Variants in PCCA observed in about 807,000 individuals in gnomAD.
PCCA encodes propionyl-CoA carboxylase subunit alpha, also known as propionyl-CoA carboxylase alpha chain, mitochondrial.
Under a neutral mutation model 101.3 loss-of-function variants are expected in PCCA, and 74 were observed. The observed-to-expected ratio is 0.73, with a 90% CI of 0.61 to 0.89. The LOEUF (loss-of-function observed/expected upper bound fraction) is 0.89, where lower values mean the gene tolerates loss of function less well. PCCA is among the 40% of genes least tolerant of loss of function. The pLI, the probability that PCCA is intolerant of heterozygous loss-of-function variation, is 0.00. For missense variants in PCCA, 891 were observed against 907.0 expected (o/e 0.98, Z 0.23); for synonymous variants, 294 against 313.6 (o/e 0.94, Z 0.66).
intron 16 of PCCA, among the ~76,000 whole-genome samples, chr13:100,320,670 G>A (rs1595318376): frequency 6.6e-6 from 1 of 152,152 alleles, no homozygotes; most frequent in African/African-American, 2.4e-5. Context: ...TCCCAGGGAT[G>A]AAGCCCACTT....
chr13:100,286,954 G>C (rs768470419), intron 12 of PCCA, among the ~76,000 whole-genome samples: 9 of 151,988 alleles, frequency 5.9e-5, no homozygotes, highest in Non-Finnish European at 1.3e-4. Flanking sequence ...TAGGCTTTCT[G>C]TGCTCTATGA....
chr13:100,410,087 AC>A (rs1219795712), intron 19 of PCCA, among the ~76,000 whole-genome samples: 3 of 151,916 alleles, frequency 2.0e-5, no homozygotes, highest in Non-Finnish European at 4.4e-5. Context: ...ATATGATTCA[AC>A]AAACCCGTTT....
chr13:100,322,267 A>C (rs935656582), intron 16 of PCCA, among the ~76,000 whole-genome samples: 3 of 152,176 alleles, frequency 2.0e-5, no homozygotes, highest in Non-Finnish European at 4.4e-5. Flanking sequence ...GCAATGAGAG[A>C]GTCGGAAGTT....
chr13:100,490,368 G>C (rs1021177212), intron 21 of PCCA: 4 of 152,130 alleles, frequency 2.6e-5, no homozygotes, highest in African/African-American at 9.6e-5. Context: ...TTTACTTTTT[G>C]GATCAGTAAC....
intron 6 of PCCA, among the ~76,000 whole-genome samples, chr13:100,200,922 T>G (rs1047918344): frequency 3.3e-5 from 5 of 152,096 alleles, no homozygotes; most frequent in Admixed American, 6.6e-5. Flanking sequence ...TTTAACCTCT[T>G]TGTTGCCTCT....
intron 18 of PCCA, among the ~76,000 whole-genome samples, chr13:100,349,462 C>G (rs1335251459): frequency 6.6e-6 from 1 of 151,882 alleles, no homozygotes; most frequent in Non-Finnish European, 1.5e-5. Context: ...TGGGTTTTGC[C>G]CTGCTGGCCA....
At chr13:100,107,985 A>G (rs2047967708) in intron 2 of PCCA, among the ~76,000 whole-genome samples, 2 of 152,270 alleles carry the variant, frequency 1.3e-5, no homozygotes, top group South Asian at 2.1e-4. Flanking sequence ...GGACTTACCC[A>G]TTGTGCTGTA....
chr13:100,246,479 T>TTTG (rs1023420932), intron 8 of PCCA, among the ~76,000 whole-genome samples: 2 of 151,806 alleles, frequency 1.3e-5, no homozygotes, highest in African/African-American at 4.8e-5. Context: ...TTGGCTAATT[T>TTTG]TTGTTGTTGT....
chr13:100,204,321 G>T, intron 6 of PCCA, among the ~76,000 whole-genome samples: 1 of 152,052 alleles, frequency 6.6e-6, no homozygotes, highest in East Asian at 1.9e-4. Context: ...TATATTTTTT[G>T]TAGAGAAAAG....
intron 19 of PCCA, among the ~76,000 whole-genome samples, chr13:100,390,597 G>A (rs1328053832): frequency 1.3e-5 from 2 of 152,186 alleles, no homozygotes; most frequent in Non-Finnish European, 1.5e-5. Context: ...CTGAAGAGGA[G>A]CATTGAAAGA....
intron 18 of PCCA, among the ~76,000 whole-genome samples, chr13:100,349,375 C>G (rs34456372): frequency 0.097 from 14,738 of 152,236 alleles, 884 homozygotes; most frequent in Middle Eastern, 0.21. Context: ...AATCCACCCA[C>G]CTCGGCCTCC....
At chr13:100,275,034 G>A (rs1356360024) in intron 12 of PCCA, among the ~76,000 whole-genome samples, 1 of 129,206 alleles carries the variant, frequency 7.7e-6, no homozygotes, top group Non-Finnish European at 1.6e-5. Flanking sequence ...CTCTTCTTCC[G>A]TTAGGCCCTT....
At chr13:100,312,701 G>T (rs2067019358) in intron 16 of PCCA, among the ~76,000 whole-genome samples, 1 of 152,184 alleles carries the variant, frequency 6.6e-6, no homozygotes, top group Non-Finnish European at 1.5e-5. Flanking sequence ...ATGGATGAAT[G>T]ACTGAATAAA....
chr13:100,486,324 G>C (rs2084368573), intron 21 of PCCA, among the ~76,000 whole-genome samples: 1 of 152,200 alleles, frequency 6.6e-6, no homozygotes, highest in Non-Finnish European at 1.5e-5. Flanking sequence ...GAGAAGTACT[G>C]AGACCCAAGT....
At chr13:100,305,729 T>C in intron 14 of PCCA, 1 of 365,654 alleles carries the variant, frequency 2.7e-6, no homozygotes, top group Non-Finnish European at 5.5e-6. Flanking sequence ...CTTTTAAAGC[T>C]GCTCCATTAA....
chr13:100,507,748 CCAGGTTCAAGCGATTCTTCTGCCT>C, intron 21 of PCCA, among the ~76,000 whole-genome samples: 1 of 152,076 alleles, frequency 6.6e-6, no homozygotes, highest in African/African-American at 2.4e-5. Context: ...CCTCCACCTC[CCAGGTTCAAGCGATTCTTCTGCCT>C]CAGCCTCCCG....
chr13:100,183,560 A>G (rs1323615563), intron 6 of PCCA, among the ~76,000 whole-genome samples: 1 of 152,190 alleles, frequency 6.6e-6, no homozygotes, highest in Non-Finnish European at 1.5e-5. Context: ...TGTGCCCAGA[A>G]AGGCTTCATG....
chr13:100,224,676 A>G (rs1035120214), intron 7 of PCCA, among the ~76,000 whole-genome samples: 3 of 152,248 alleles, frequency 2.0e-5, no homozygotes, highest in African/African-American at 7.2e-5. Context: ...GCAGGGGCCT[A>G]TGCATATAGG....
chr13:100,485,970 C>G (rs149360666), intron 21 of PCCA, among the ~76,000 whole-genome samples: 2 of 152,192 alleles, frequency 1.3e-5, no homozygotes, highest in African/African-American at 4.8e-5. Context: ...AGTGCAGTCC[C>G]GTTAGTCTAC....
Sources: allele counts gnomAD v4.1 joint callset (sites outside exome capture counted in the v4.1 genomes callset), GRCh38; gene constraint gnomAD v4.1.1; transcripts MANE v1.5; gene names NCBI Gene and HGNC (gene_info 2026-07-23, HGNC 2026-07-21).